TSPAN5: variants seen among roughly 807,000 people sequenced by gnomAD.
TSPAN5 encodes the protein tetraspanin 5, also known as tetraspanin-5.
A neutral mutation model predicts 37.1 loss-of-function variants in TSPAN5; 10 were observed. The ratio of observed to expected loss-of-function variants is 0.27; its 90% CI spans 0.17 to 0.46. TSPAN5 has a LOEUF of 0.46. TSPAN5 is among the 20% of genes least tolerant of loss of function. The pLI, the probability that TSPAN5 is intolerant of heterozygous loss-of-function variation, is 1.00. For synonymous variants in TSPAN5, 110 were observed against 118.9 expected (o/e 0.93, Z 0.48); for missense variants, 195 against 326.6 (o/e 0.60, Z 3.11).
chr4:98,503,039 A>C (rs146452241), intron 2 of TSPAN5, among the ~76,000 whole-genome samples: 211 of 152,128 alleles, frequency 1.4e-3, no homozygotes, highest in South Asian at 4.0e-3. Flanking sequence ...AGCTGAAATC[A>C]AGCTGGGCGG....
chr4:98,481,532 G>A (rs747648706), intron 4 of TSPAN5, among the ~76,000 whole-genome samples: 43 of 152,164 alleles, frequency 2.8e-4, no homozygotes, highest in Admixed American at 4.6e-4. Flanking sequence ...AACTGCATGT[G>A]CAATAATAAT....
At chr4:98,592,216 T>A (rs943236552) in intron 1 of TSPAN5, among the ~76,000 whole-genome samples, 1 of 149,586 alleles carries the variant, frequency 6.7e-6, no homozygotes, top group South Asian at 2.1e-4. Flanking sequence ...TTCAGAGAAC[T>A]GTTAAACAAA....
chr4:98,501,137 T>C (rs1388583822), intron 2 of TSPAN5, among the ~76,000 whole-genome samples: 2 of 152,234 alleles, frequency 1.3e-5, no homozygotes, highest in Non-Finnish European at 2.9e-5. Flanking sequence ...GAGATAATCA[T>C]ATATAGATTT....
intron 1 of TSPAN5, among the ~76,000 whole-genome samples, chr4:98,534,381 C>A (rs1264505348): frequency 6.6e-6 from 1 of 152,150 alleles, no homozygotes; most frequent in Non-Finnish European, 1.5e-5. Context: ...GTCTGACAGA[C>A]TGTTTGTTGT....
chr4:98,609,314 T>C (rs1020853969), intron 1 of TSPAN5, among the ~76,000 whole-genome samples: 2 of 152,116 alleles, frequency 1.3e-5, no homozygotes, highest in African/African-American at 4.8e-5. Flanking sequence ...GCTCCTGCGT[T>C]ACTCTATTGT....
At chr4:98,484,800 TA>T (rs113635952) in intron 3 of TSPAN5, 29,776 of 238,214 alleles carry the variant, frequency 0.12, 1,478 homozygotes, top group African/African-American at 0.29. Context: ...CATCTTTACT[TA>T]AAAAAAAAAA....
chr4:98,567,780 G>A lies in TSPAN5; in HGVS notation c.82-60052C>T, dbSNP rs1755038258. The stretch of plus-strand genomic sequence containing the variant: ...GGCAGTGGGTCAGAGAAGTAGAAAC[G>A]AGTTCAGTTAGTTGTTGGCGGTGGT... On this transcript the variant is annotated intron_variant, in intron 1 of 7. Coordinates refer to ENST00000305798, the MANE Select transcript of TSPAN5 (RefSeq NM_005723.4). 2.0e-5 allele frequency among the ~76,000 whole-genome samples: 3 copies of A among 151,276 alleles called. No homozygotes were observed. The South Asian group carries it at 6.3e-4, about 32-fold the overall frequency.
intron 2 of TSPAN5, among the ~76,000 whole-genome samples, chr4:98,487,238 G>GAAAAA (rs11318498): frequency 2.3e-5 from 3 of 130,406 alleles, no homozygotes; most frequent in Admixed American, 1.5e-4. Flanking sequence ...TATATGTAGA[G>GAAAAA]AAAAAAAAAA....
intron 1 of TSPAN5, among the ~76,000 whole-genome samples, chr4:98,587,679 G>A (rs371119205): frequency 2.0e-5 from 3 of 152,126 alleles, no homozygotes; most frequent in South Asian, 4.1e-4. Context: ...CACGAGGTCA[G>A]GAGATTGAGA....
chr4:98,502,423 A>G (rs1753373373), intron 2 of TSPAN5, among the ~76,000 whole-genome samples: 1 of 152,206 alleles, frequency 6.6e-6, no homozygotes, highest in Non-Finnish European at 1.5e-5. Context: ...ACATGTGAGA[A>G]GGCACCACCT....
chr4:98,587,098 C>T (rs950152), intron 1 of TSPAN5, among the ~76,000 whole-genome samples: 11,814 of 152,282 alleles, frequency 0.078, 507 homozygotes, highest in South Asian at 0.1. Flanking sequence ...CAGCATGCAG[C>T]GCAGCCATCA....
chr4:98,519,039 A>C (rs1753798810), intron 1 of TSPAN5, among the ~76,000 whole-genome samples: 3 of 152,224 alleles, frequency 2.0e-5, no homozygotes. Flanking sequence ...GAGAGATGAG[A>C]CTGCAGGTAG....
At chr4:98,483,493 G>A (rs1266646171) in intron 3 of TSPAN5, 1 of 152,232 alleles carries the variant, frequency 6.6e-6, no homozygotes, top group Non-Finnish European at 1.5e-5. Flanking sequence ...AAGAACAAGG[G>A]GTATCCTTGC....
intron 1 of TSPAN5, among the ~76,000 whole-genome samples, chr4:98,617,584 C>T (rs1756370891): frequency 6.6e-6 from 1 of 152,192 alleles, no homozygotes; most frequent in African/African-American, 2.4e-5. Context: ...CTCCCACATT[C>T]ATGCATTTCC....
chr4:98,609,873 GGA>G (rs1756140020), intron 1 of TSPAN5, among the ~76,000 whole-genome samples: 1 of 152,140 alleles, frequency 6.6e-6, no homozygotes, highest in Non-Finnish European at 1.5e-5. Context: ...GAGCAGAAGG[GGA>G]GGGCAAAGGT....
chr4:98,545,101 G>A (rs1754440362), intron 1 of TSPAN5, among the ~76,000 whole-genome samples: 2 of 152,166 alleles, frequency 1.3e-5, no homozygotes, highest in African/African-American at 4.8e-5. Flanking sequence ...GCTGAGCCTA[G>A]CCCACCAAAG....
intron 1 of TSPAN5, among the ~76,000 whole-genome samples, chr4:98,526,175 C>T (rs117818904): frequency 4.7e-4 from 72 of 152,198 alleles, no homozygotes; most frequent in Middle Eastern, 6.8e-3. Flanking sequence ...GCTCAAACAC[C>T]GTTAGAACTG....
At chr4:98,587,246 T>C (rs760451776) in intron 1 of TSPAN5, among the ~76,000 whole-genome samples, 1 of 152,210 alleles carries the variant, frequency 6.6e-6, no homozygotes, top group Non-Finnish European at 1.5e-5. Context: ...CAGCACTGTG[T>C]GTGCCAGTGA....
intron 1 of TSPAN5, among the ~76,000 whole-genome samples, chr4:98,522,460 A>T (rs6853079): frequency 0.21 from 32,277 of 152,198 alleles, 3,556 homozygotes; most frequent in South Asian, 0.25. Flanking sequence ...TACAAAAAGA[A>T]TGATGACAGG....
Sources: allele counts gnomAD v4.1 joint callset (sites outside exome capture counted in the v4.1 genomes callset), GRCh38; gene constraint gnomAD v4.1.1; transcripts MANE v1.5; gene names NCBI Gene and HGNC (gene_info 2026-07-23, HGNC 2026-07-21).